Variants in NBPF12 observed in about 807,000 individuals in gnomAD.
NBPF12 encodes the protein NBPF family member NBPF12.
In NBPF12, 115 loss-of-function variants were observed where a neutral mutation model predicts 146.4. The ratio of observed to expected loss-of-function variants is 0.79; its 90% CI spans 0.68 to 0.92. The LOEUF is 0.92. Ranked by LOEUF, NBPF12 falls within the 40% of genes least tolerant of loss-of-function variation. The pLI is 0.00. For synonymous variants in NBPF12, 385 were observed against 508.9 expected (o/e 0.76, Z 3.28); for missense variants, 1,205 against 1,326.8 (o/e 0.91, Z 1.43).
At chr1:146,980,322 T>G (rs1657292984) in intron 19 of NBPF12, among the ~76,000 whole-genome samples, 1 of 152,102 alleles carries the variant, frequency 6.6e-6, no homozygotes, top group Non-Finnish European at 1.5e-5. Flanking sequence ...ACATTTAAGG[T>G]TAATATTGTT....
Position 146,965,773 on chromosome 1 carries a change from CAG to C in NBPF12, c.778+672_778+673del, listed in dbSNP as rs1260615822. On this transcript the variant is annotated intron_variant, in intron 8 of 33. Coordinates refer to ENST00000617844, the Ensembl canonical transcript of NBPF12. ...TGGCACTGCACTCCAGCCTGGGAGACAGAGCGAGACTGCATCTCAAAAAAAAA... is the reference window on the plus strand; with the variant it reads ...TGGCACTGCACTCCAGCCTGGGAGACAGCGAGACTGCATCTCAAAAAAAAA... 8.3e-5 allele frequency among the ~76,000 whole-genome samples: 9 copies of C among 108,012 alleles called. 1 individual carries two copies. The highest frequency in any genetic ancestry group is 3.4e-4 in the African/African-American group (9 of 26,812). 70.9% of individuals were successfully genotyped at this position (108,012 alleles called of 152,430 possible). A position where few individuals can be genotyped will look rare whatever the true frequency, so the allele number is the denominator to read the frequency against.
exon 9 of NBPF12, chr1:146,966,615 A>T: frequency 1.3e-6 from 2 of 1,505,244 alleles, no homozygotes; most frequent in Non-Finnish European, 1.8e-6. Context: ...GAAGCCTCAA[A>T]GAGAAATGTT....
chr1:146,964,080 A>G (rs1477895316), intron 6 of NBPF12, among the ~76,000 whole-genome samples: 4 of 137,126 alleles, frequency 2.9e-5, no homozygotes, highest in Non-Finnish European at 6.2e-5. Flanking sequence ...GACAGCTGCC[A>G]AAGTCCAGAG....
intron 2 of NBPF12, among the ~76,000 whole-genome samples, chr1:146,953,519 A>G (rs1433846166): frequency 7.0e-6 from 1 of 142,216 alleles, no homozygotes; most frequent in Non-Finnish European, 1.5e-5. Context: ...TCTTTTTTAT[A>G]TTTAAAAAAT....
At chr1:146,968,487 G>A (rs1656348202) in exon 10 of NBPF12, 4 of 1,611,114 alleles carry the variant, frequency 2.5e-6, no homozygotes, top group South Asian at 1.1e-5. Context: ...TCTATGCTGA[G>A]GAATGAGCTA....
At chr1:146,981,585 A>G (rs1401640920) in intron 19 of NBPF12, among the ~76,000 whole-genome samples, 25 of 151,572 alleles carry the variant, frequency 1.6e-4, no homozygotes, top group Non-Finnish European at 3.5e-4. Context: ...TGTTTCCTGA[A>G]TTTGAATGTT....
chr1:146,948,219 C>T (rs1167906071), upstream of NBPF12, among the ~76,000 whole-genome samples: 2 of 151,384 alleles, frequency 1.3e-5, no homozygotes, highest in Non-Finnish European at 1.5e-5. Context: ...TCATGTTGGC[C>T]AGGTTGGTCT....
At chr1:146,944,630 G>A (rs1654939503), upstream of NBPF12, among the ~76,000 whole-genome samples, 3 of 151,720 alleles carry the variant, frequency 2.0e-5, no homozygotes. Flanking sequence ...GGAATAATGT[G>A]TTTCAGGAGG....
At chr1:146,954,714 C>T (rs1311950035) in intron 2 of NBPF12, among the ~76,000 whole-genome samples, 2 of 149,824 alleles carry the variant, frequency 1.3e-5, no homozygotes, top group African/African-American at 4.9e-5. Flanking sequence ...AATGAATTCA[C>T]TACCTATTTC....
chr1:146,968,984 A>G (rs1244141403), intron 10 of NBPF12, among the ~76,000 whole-genome samples: 6 of 150,086 alleles, frequency 4.0e-5, no homozygotes, highest in South Asian at 2.1e-4. Flanking sequence ...TTTTCAATTC[A>G]CCCCATCTGC....
exon 34 of NBPF12, chr1:146,994,342 G>T (rs782485156): frequency 8.7e-6 from 14 of 1,611,484 alleles, no homozygotes; most frequent in Non-Finnish European, 1.1e-5. Context: ...GCTCAACAGC[G>T]TGCTGATGGA....
chr1:146,981,292 AAAATAT>A lies in NBPF12; in HGVS notation c.2451-1634_2451-1629del, dbSNP rs1339147002. Among the ~76,000 whole-genome samples the A allele has an allele frequency of 2.4e-3, 252 of 104,122 alleles. 4 individuals are homozygous for A. Among genetic ancestry groups the A allele is most frequent in the African/African-American group, 9.6e-3 (236 of 24,604 alleles). 68.3% of individuals were successfully genotyped at this position (104,122 alleles called of 152,430 possible). ...CTTAAAGTATTAAAAAAAAAAAAAA[AAAATAT>A]ATATATATATATATATACATACACA... On this transcript the variant is annotated intron_variant, in intron 19 of 33. Transcript: ENST00000617844.
rs782023062 is a variant in NBPF12, at chr1:146,994,357, G to T, written c.4156G>T (p.Glu1386Ter). Residue 1386 changes from glutamate (E) to a stop codon, truncating the protein, a stop_gained, in exon 34 of 34, where the codon GAA (glutamate) becomes TAA (stop). Transcript: ENST00000617844. LOFTEE classifies it high-confidence loss of function. ...GCTCAACAGCGTGCTGATGGAAGTG[G>T]AAGAGCCTGAAGTCTTGCAGGACTC... 5 of 1,611,526 alleles carry T rather than the reference G, an allele frequency of 3.1e-6. No homozygotes were observed. The highest frequency in any genetic ancestry group is 4.2e-6 in the Non-Finnish European group (5 of 1,179,592).
chr1:146,938,583 G>A (rs1212736375), upstream of NBPF12, among the ~76,000 whole-genome samples: 1 of 151,962 alleles, frequency 6.6e-6, no homozygotes, highest in Admixed American at 6.5e-5. Context: ...AACCCGTTGT[G>A]CGGTAGAGGC....
chr1:146,963,055 C>A, intron 5 of NBPF12, 40 bp from the exon 9 acceptor site: 1 of 1,610,184 alleles, frequency 6.2e-7, no homozygotes, highest in Non-Finnish European at 8.5e-7. Flanking sequence ...GATCACTCAA[C>A]GCTTTTCACT....
In NBPF12 at chr1:146,953,323, C is replaced by T. The variant is rs1478171920; in HGVS notation, c.-184+1834C>T. Among the ~76,000 whole-genome samples the T allele has an allele frequency of 3.5e-5, 5 of 142,356 alleles. No homozygotes were observed. The Admixed American group carries it at 3.6e-4, about 10-fold the overall frequency. 93.4% of individuals were successfully genotyped at this position (142,356 alleles called of 152,430 possible). ...AAGCTCTAGTTCTGAGGACAGAGAC[C>T]TGTTGGAGTCACCATAGTGGAAATT... On this transcript the variant is annotated intron_variant, in intron 2 of 33. Transcript: ENST00000617844.
rs1553885730 is a variant in NBPF12 at position 146,966,891 on chromosome 1, G to A, written c.988+218G>A. 4.3e-4 allele frequency among the ~76,000 whole-genome samples: 64 copies of A among 150,094 alleles called. 2 individuals are homozygous for A. In the East Asian group the frequency reaches 6.2e-3, roughly 15 times the overall value. On this transcript the variant is annotated intron_variant, in intron 9 of 33. Transcript: ENST00000617844. ...GCAATCAGGTGGGGGTGGGACTAGA[G>A]TTAAACTGCCATTTATTGATTTCTG...
At position 146,977,901 on chromosome 1, in the gene NBPF12, C is replaced by G. The variant is rs1425024453; in HGVS notation, c.2398+230C>G. Among the ~76,000 whole-genome samples, 16 of 152,140 alleles carry G rather than the reference C, an allele frequency of 1.1e-4. No individual in the cohort carries two copies. The East Asian group carries it at 1.2e-3, about 11-fold the overall frequency. ...AAGTGTGACAATCTCATAGTCACCTCAGTGCAGGAGGTGCACAGGCAGTAT... is the reference window on the plus strand; with the variant it reads ...AAGTGTGACAATCTCATAGTCACCTGAGTGCAGGAGGTGCACAGGCAGTAT... On this transcript the variant is annotated intron_variant, in intron 18 of 33. Transcript: ENST00000617844.
intron 19 of NBPF12, among the ~76,000 whole-genome samples, chr1:146,980,705 T>A (rs1284299823): frequency 6.6e-6 from 1 of 151,522 alleles, no homozygotes; most frequent in South Asian, 2.1e-4. Flanking sequence ...GTTCAACGAT[T>A]GTGGAAGGCA....
Sources: gnomAD v4.1 joint callset for allele counts (sites outside exome capture counted in the v4.1 genomes callset) on GRCh38, gnomAD v4.1.1 for gene constraint, MANE v1.5 for transcripts, NCBI Gene and HGNC (gene_info 2026-07-23, HGNC 2026-07-21) for gene names.